The following PTPRN2 variants were observed in gnomAD, a reference collection of about 807,000 sequenced individuals.
The protein encoded by PTPRN2 is protein tyrosine phosphatase receptor type N2.
In PTPRN2, 74 loss-of-function variants were observed where a neutral mutation model predicts 118.8. The ratio of observed to expected loss-of-function variants is 0.62; its 90% confidence interval spans 0.52 to 0.76. The LOEUF is 0.76. Among genes scored for constraint, PTPRN2 ranks in the 30% least tolerant of loss-of-function variants. The pLI, the probability that PTPRN2 is intolerant of heterozygous loss-of-function variation, is 0.00. For missense variants in PTPRN2, 1,481 were observed against 1,394.4 expected, an observed-to-expected ratio of 1.06 and a Z score of -0.99; for synonymous variants, 641 against 608.0, an observed-to-expected ratio of 1.05 and a Z score of -0.80.
At position 157,929,312 on chromosome 7, in the gene PTPRN2, G is replaced by A. The variant is rs1257580102; in HGVS notation, c.1724-30575C>T. Among the ~76,000 whole-genome samples the A allele has an allele frequency of 6.6e-6, 1 of 151,858 alleles. No individual in the cohort carries two copies. The highest frequency in any genetic ancestry group is 1.9e-4 in the East Asian group (1 of 5,170). On this transcript the variant is annotated intron_variant, in intron 11 of 22. Transcript: ENST00000389418. This position sits in a 1 kb window ranked among gnomAD's most constrained non-coding sequence, Gnocchi z 4.4. Reference sequence around the variant, plus strand: ...TCCTCTGACTACCTTCAGCAACCCTGCCTTACGGTGGGGATGCTGGACAGG... The same window carrying A: ...TCCTCTGACTACCTTCAGCAACCCTACCTTACGGTGGGGATGCTGGACAGG...
intron 3 of PTPRN2, among the ~76,000 whole-genome samples, chr7:158,217,967 C>A (rs1163192340): frequency 2.6e-5 from 4 of 152,134 alleles, no homozygotes; most frequent in Non-Finnish European, 5.9e-5. Flanking sequence ...AACTATGACT[C>A]ACTGGCATTT....
chr7:158,109,875 G>T (rs900323590), intron 10 of PTPRN2, among the ~76,000 whole-genome samples: 4 of 151,606 alleles, frequency 2.6e-5, no homozygotes, highest in Admixed American at 1.3e-4. Context: ...ATGTGAAGGG[G>T]ACAGTGAGTG....
chr7:157,677,436 A>G (rs1420893995), intron 13 of PTPRN2, among the ~76,000 whole-genome samples: 1 of 152,154 alleles, frequency 6.6e-6, no homozygotes, highest in African/African-American at 2.4e-5. Context: ...TCGAGACTTC[A>G]TTGTTCTCTG....
intron 11 of PTPRN2, among the ~76,000 whole-genome samples, chr7:158,046,023 T>C (rs975203099): frequency 4.9e-5 from 7 of 142,022 alleles, no homozygotes; most frequent in African/African-American, 1.8e-4. Context: ...CACTGCCTTG[T>C]TCTGTCCAGG....
chr7:158,097,982 C>T (rs1166621571), intron 10 of PTPRN2, among the ~76,000 whole-genome samples: 1 of 152,200 alleles, frequency 6.6e-6, no homozygotes, highest in Non-Finnish European at 1.5e-5. Context: ...CCGTGTCTCC[C>T]GCCTGTCAGA....
intron 3 of PTPRN2, among the ~76,000 whole-genome samples, chr7:158,309,481 A>C (rs1034951342): frequency 6.6e-6 from 1 of 152,156 alleles, no homozygotes; most frequent in African/African-American, 2.4e-5. Flanking sequence ...TCGTGAGTCA[A>C]TACTCCTTAA....
At chr7:158,409,189 A>T (rs1387025253) in intron 2 of PTPRN2, among the ~76,000 whole-genome samples, 2 of 152,194 alleles carry the variant, frequency 1.3e-5, no homozygotes. Flanking sequence ...TTTGGGGCTC[A>T]CCTGGGGCCT....
chr7:158,442,551 A>G (rs1319538693), intron 2 of PTPRN2, among the ~76,000 whole-genome samples: 1 of 152,194 alleles, frequency 6.6e-6, no homozygotes, highest in Non-Finnish European at 1.5e-5. Context: ...GGTAAGTGAT[A>G]AGAAAAATTT....
intron 11 of PTPRN2, among the ~76,000 whole-genome samples, chr7:157,933,315 G>A (rs926071072): frequency 1.4e-5 from 2 of 148,000 alleles, no homozygotes; most frequent in East Asian, 2.0e-4. Flanking sequence ...TTAGAGGAAG[G>A]GTGAGTCATT....
intron 3 of PTPRN2, among the ~76,000 whole-genome samples, chr7:158,264,762 C>T (rs1797761791): frequency 2.6e-5 from 4 of 152,332 alleles, no homozygotes; most frequent in Admixed American, 6.5e-5. Flanking sequence ...AAAACTGCCC[C>T]ATTCCGAAAA....
intron 14 of PTPRN2, among the ~76,000 whole-genome samples, chr7:157,631,474 G>A (rs12667135): frequency 0.088 from 13,380 of 152,194 alleles, 650 homozygotes; most frequent in East Asian, 0.18. Flanking sequence ...TGAGGCGGGC[G>A]GATCACGAGG....
Position 158,131,467 on chromosome 7 carries a change from C to T in PTPRN2, c.1556+2210G>A, listed in dbSNP as rs114448183. Among the ~76,000 whole-genome samples the T allele has an allele frequency of 8.7e-3, 1,308 of 149,906 alleles. 29 individuals carry two copies. The highest frequency in any genetic ancestry group is 0.025 in the African/African-American group (1,022 of 40,466). ...AACTGAAACACATCTACCTGACACA[C>T]GCACTCATACACACACACTTATACA... On this transcript the variant is annotated intron_variant, in intron 9 of 22. Coordinates refer to ENST00000389418, the MANE Select transcript of PTPRN2 (RefSeq NM_002847.5).
At chr7:158,497,418 C>T (rs1822033203) in intron 1 of PTPRN2, among the ~76,000 whole-genome samples, 1 of 151,614 alleles carries the variant, frequency 6.6e-6, no homozygotes, top group African/African-American at 2.4e-5. Context: ...TCAATCACAG[C>T]CCCAGCCCAG....
intron 9 of PTPRN2, among the ~76,000 whole-genome samples, chr7:158,112,383 C>G (rs1325825902): frequency 2.6e-5 from 4 of 152,152 alleles, no homozygotes. Flanking sequence ...GCAAGGGGGC[C>G]GCGGTGCCAC....
At position 157,977,510 on chromosome 7, in the gene PTPRN2, G is replaced by A. The variant is rs749331350; in HGVS notation, c.1724-78773C>T. 1.3e-5 allele frequency among the ~76,000 whole-genome samples: 2 copies of A among 151,900 alleles called. No homozygotes were observed. Among genetic ancestry groups the A allele is most frequent in the Admixed American group, 1.3e-4 (2 of 15,256 alleles). ...GCCTGGCAGGTGGAGGGCCCAGAGC[G>A]TGCAAGGCCCCAGGTGGGATGACGT... is the stretch of plus-strand genomic sequence containing the variant. On this transcript the variant is annotated intron_variant, in intron 11 of 22. Transcript: ENST00000389418. The surrounding 1 kb of genome is among the most constrained non-coding windows in gnomAD (Gnocchi z 4.6).
intron 2 of PTPRN2, among the ~76,000 whole-genome samples, chr7:158,450,244 C>G (rs2129438051): frequency 6.6e-6 from 1 of 152,376 alleles, no homozygotes; most frequent in East Asian, 1.9e-4. Context: ...AATCACGGCC[C>G]AAAGGCCTCT....
At position 157,753,837 on chromosome 7, in the gene PTPRN2, C is replaced by A. The variant is rs188581520; in HGVS notation, c.1789-70900G>T. Among the ~76,000 whole-genome samples the A allele has an allele frequency of 1.8e-4, 28 of 152,318 alleles. No individual in the cohort carries two copies. The East Asian group carries it at 4.4e-3, about 24-fold the overall frequency. Reference sequence around the variant, plus strand: ...GCCCTGCCCACCTCCCCATCCCCCACCGGTTCCTTGCCAGGCAAGAACCAA... The same window carrying A: ...GCCCTGCCCACCTCCCCATCCCCCAACGGTTCCTTGCCAGGCAAGAACCAA... On this transcript the variant is annotated intron_variant, in intron 12 of 22. Coordinates refer to ENST00000389418, the MANE Select transcript of PTPRN2 (RefSeq NM_002847.5).
Position 158,296,497 on chromosome 7 carries a change from CCT to C in PTPRN2, c.277+20320_277+20321del, listed in dbSNP as rs776354077. On this transcript the variant is annotated intron_variant, in intron 3 of 22. Transcript: ENST00000389418. ...AGAAACTCCAGGACACAGAAAGCCC[CCT>C]GTCCTTGCAATAAGGCAGAGGGTCT... Among the ~76,000 whole-genome samples the C allele has an allele frequency of 9.2e-5, 14 of 152,198 alleles. No homozygotes were observed. The South Asian group carries it at 1.0e-3, about 11-fold the overall frequency.
chr7:158,086,228 G>A (rs1813400789), intron 10 of PTPRN2, among the ~76,000 whole-genome samples: 1 of 151,560 alleles, frequency 6.6e-6, no homozygotes, highest in Non-Finnish European at 1.5e-5. Context: ...CTGAGGGGGA[G>A]TTAGGAACAG....
Sources: gnomAD v4.1 joint callset for allele counts (sites outside exome capture counted in the v4.1 genomes callset) on GRCh38, gnomAD v4.1.1 for gene constraint, Gnocchi (gnomAD v3.1) non-coding constraint, MANE v1.5 for transcripts, NCBI Gene and HGNC (gene_info 2026-07-23, HGNC 2026-07-21) for gene names.